The following ATXN3 variants were observed in gnomAD, a reference collection of about 807,000 sequenced individuals.
ATXN3 encodes ataxin 3, also known as ataxin-3.
Under a neutral mutation model 58.2 loss-of-function variants are expected in ATXN3, and 28 were observed. The observed-to-expected ratio is 0.48, with a 90% CI of 0.36 to 0.66. The LOEUF (loss-of-function observed/expected upper bound fraction) is 0.66. Ranked by LOEUF, ATXN3 falls within the 30% of genes least tolerant of loss-of-function variation. The pLI is 0.00. For synonymous variants in ATXN3, 113 were observed against 138.5 expected (o/e 0.82, Z 1.29); for missense variants, 321 against 422.1 (o/e 0.76, Z 2.10).
intron 1 of ATXN3, among the ~76,000 whole-genome samples, chr14:92,099,352 C>T (rs1439127869): frequency 6.6e-6 from 1 of 152,210 alleles, no homozygotes; most frequent in Non-Finnish European, 1.5e-5. Context: ...AGGAAGACAA[C>T]ATTGAGACAG....
rs1037710267 is a variant in ATXN3 at position 92,064,346 on chromosome 14, C to A, written c.1060G>T (p.Asp354Tyr). 24 of 1,611,348 alleles carry A rather than the reference C, an allele frequency of 1.5e-5. No homozygotes were observed. Among genetic ancestry groups the A allele is most frequent in the Non-Finnish European group, 1.8e-5 (21 of 1,178,122 alleles). Residue 354 changes from aspartate (D) to tyrosine (Y), a missense_variant, in exon 11 of 11, where the codon GAT becomes TAT. By Grantham distance (160) the Asp-to-Tyr change is radical. Transcript: ENST00000644486. ...TATTTTTTTCCTTCTGTTTTCAAAT[C>A]ATTTCTGACAGTTTCTAAAGACATG... ...VTMSLETVRN[D>Y]LKTEGKK
intron 1 of ATXN3, among the ~76,000 whole-genome samples, chr14:92,100,323 G>T (rs2066484235): frequency 6.6e-6 from 1 of 152,018 alleles, no homozygotes; most frequent in Admixed American, 6.6e-5. Context: ...ACATGTATAA[G>T]AATGTTCACA....
At chr14:92,099,388 CA>C (rs1217358066) in intron 1 of ATXN3, among the ~76,000 whole-genome samples, 4 of 152,210 alleles carry the variant, frequency 2.6e-5, no homozygotes, top group Non-Finnish European at 5.9e-5. Flanking sequence ...AGTTTATCTT[CA>C]ACTTTTCGTA....
Position 92,062,324 on chromosome 14 carries a change from A to G in ATXN3, c.*1996T>C, listed in dbSNP as rs1231141327. The G allele has an allele frequency of 6.6e-6, 1 of 152,216 alleles. No homozygotes were observed. The highest frequency in any genetic ancestry group is 6.5e-5 in the Admixed American group (1 of 15,272). The allele number at this position is 152,216 out of a possible 1,614,324, so 9.4% of individuals were successfully genotyped here. On this transcript the variant is annotated 3_prime_UTR_variant, in exon 11 of 11. Transcript: ENST00000644486. ...AAGTCAAACATGCCATATTTTCTTAAGTGCTTTAACTAGGGTATATATGAA... is the reference window on the plus strand; with the variant it reads ...AAGTCAAACATGCCATATTTTCTTAGGTGCTTTAACTAGGGTATATATGAA...
chr14:92,046,856 C>G (rs2057430276), intron 2 of ATXN3, among the ~76,000 whole-genome samples: 1 of 152,102 alleles, frequency 6.6e-6, no homozygotes, highest in African/African-American at 2.4e-5. Context: ...AAGAATTATA[C>G]TGAGGTAGGT....
At chr14:92,053,306 A>ATCTG (rs35454365), upstream of ATXN3, among the ~76,000 whole-genome samples, 42,934 of 151,712 alleles carry the variant, frequency 0.28, 6,387 homozygotes, top group African/African-American at 0.38. Flanking sequence ...TTATCTCAGG[A>ATCTG]CCTGTAGGGT....
intron 10 of ATXN3, among the ~76,000 whole-genome samples, chr14:92,066,521 A>T (rs2058430212): frequency 6.6e-6 from 1 of 151,752 alleles, no homozygotes; most frequent in Non-Finnish European, 1.5e-5. Flanking sequence ...AGGTCTCCTG[A>T]AGACAAATCG....
chr14:92,045,934 C>T (rs967388693), intron 2 of ATXN3, among the ~76,000 whole-genome samples: 15 of 152,268 alleles, frequency 9.9e-5, no homozygotes, highest in African/African-American at 3.6e-4. Flanking sequence ...ATAAGCATTG[C>T]CCTGAGCGAT....
At chr14:92,070,678 T>TA in intron 10 of ATXN3, 1 of 926,598 alleles carries the variant, frequency 1.1e-6, no homozygotes, top group Non-Finnish European at 1.6e-6. Context: ...TTAAATGTTC[T>TA]AGCAATCCTC....
chr14:92,101,834 G>A (rs1198316164), intron 1 of ATXN3, among the ~76,000 whole-genome samples: 1 of 149,774 alleles, frequency 6.7e-6, no homozygotes, highest in Non-Finnish European at 1.5e-5. Context: ...CTCCAGCCTG[G>A]GTGACAGAGT....
intron 9 of ATXN3, chr14:92,071,516 G>C: frequency 3.0e-6 from 1 of 335,356 alleles, no homozygotes; most frequent in East Asian, 8.1e-5. Context: ...AGAATCACTT[G>C]AACCGGGGAG....
intron 1 of ATXN3, among the ~76,000 whole-genome samples, chr14:92,106,134 T>G (rs1258212285): frequency 6.6e-6 from 1 of 152,060 alleles, no homozygotes; most frequent in African/African-American, 2.4e-5. Flanking sequence ...TAGGAGGGGT[T>G]GAGGGAGGTG....
At chr14:92,093,431 G>T in intron 4 of ATXN3, 113 bp from the exon 5 acceptor site, 1 of 653,726 alleles carries the variant, frequency 1.5e-6, no homozygotes, top group Non-Finnish European at 2.6e-6. Context: ...TTATAGTTAA[G>T]TGTCACTGAT....
intron 1 of ATXN3, among the ~76,000 whole-genome samples, chr14:92,099,180 A>T (rs2141219265): frequency 6.6e-6 from 1 of 152,284 alleles, no homozygotes; most frequent in Admixed American, 6.5e-5. Flanking sequence ...CTATTCCTTA[A>T]CCCAACCTAT....
chr14:92,096,752 T>G lies in ATXN3; in HGVS notation c.111A>C (p.Ala37=). 6.2e-7 allele frequency: 1 copy of G among 1,613,868 alleles called. No homozygotes were observed. Among genetic ancestry groups the G allele is most frequent in the South Asian group, 1.1e-5 (1 of 91,080 alleles). The change falls in exon 2 of 11, where the codon GCA becomes GCC. Residue 37 remains alanine (A), a synonymous_variant. Coordinates refer to ENST00000644486, the MANE Select transcript of ATXN3 (RefSeq NM_004993.6). ...TCCTCTCCTCCTCATCCAGCTGATG[T>G]GCAATTGAGGATAATTCCACAGGGC... ...YFSPVELSSI[A]HQLDEEERMR...
intron 1 of ATXN3, among the ~76,000 whole-genome samples, chr14:92,103,514 C>T (rs1332382256): frequency 3.3e-5 from 5 of 152,124 alleles, no homozygotes; most frequent in Non-Finnish European, 4.4e-5. Context: ...TGGCTCACTA[C>T]AGCCTCGACC....
chr14:92,093,958 T>G lies in ATXN3; in HGVS notation c.235-127A>C, dbSNP rs1289689941. ...GAAGGCTATAGGTTTTTTTTTTTTT[T>G]TTTGTGACAGAGTCTTGCTCTGTCG... On this transcript the variant is annotated intron_variant, in intron 3 of 10. Transcript: ENST00000644486. The G allele has an allele frequency of 6.8e-5, 38 of 561,860 alleles. 1 individual carries two copies. The Middle Eastern group carries it at 1.3e-3, about 19-fold the overall frequency. The allele number at this position is 561,860 out of a possible 1,614,324, so 34.8% of individuals were successfully genotyped here. A position where few individuals can be genotyped will look rare whatever the true frequency, so the allele number is the denominator to read the frequency against.
In ATXN3 at chr14:92,060,237, T is replaced by G. The variant is rs1456817907; in HGVS notation, c.*4083A>C. The G allele has an allele frequency of 7.2e-6, 1 of 138,806 alleles. No individual in the cohort carries two copies. The highest frequency in any genetic ancestry group is 2.8e-5 in the African/African-American group (1 of 35,442). 8.6% of individuals were successfully genotyped at this position (138,806 alleles called of 1,614,324 possible). A position where few individuals can be genotyped will look rare whatever the true frequency, so the allele number is the denominator to read the frequency against. ...ATAGGAAGTCATATATATATACATATATATATACACACATATATATATATA... is the reference window on the plus strand; with the variant it reads ...ATAGGAAGTCATATATATATACATAGATATATACACACATATATATATATA... On this transcript the variant is annotated 3_prime_UTR_variant, in exon 11 of 11. Transcript: ENST00000644486.
chr14:92,093,030 TTTG>T (rs1035728432), intron 5 of ATXN3, among the ~76,000 whole-genome samples: 3 of 146,380 alleles, frequency 2.0e-5, no homozygotes, highest in African/African-American at 7.7e-5. Flanking sequence ...TGCCTGGCTC[TTTG>T]TTTTTTTTTT....
Sources: allele counts gnomAD v4.1 joint callset (sites outside exome capture counted in the v4.1 genomes callset), GRCh38; gene constraint gnomAD v4.1.1; transcripts MANE v1.5; gene names NCBI Gene and HGNC (gene_info 2026-07-23, HGNC 2026-07-21).